ZNF689: variants seen among roughly 807,000 people sequenced by gnomAD.
ZNF689 encodes zinc finger protein 689, also known as short ORF-encoded histone-binding protein.
ZNF689 carries 14 observed loss-of-function variants against 37.2 expected under a neutral mutation model. The ratio of observed to expected loss-of-function variants is 0.38; its 90% CI spans 0.25 to 0.59. ZNF689 has a LOEUF of 0.59. Ranked by LOEUF, ZNF689 falls within the 20% of genes least tolerant of loss-of-function variation. The pLI is 0.68. For synonymous variants in ZNF689, 277 were observed against 283.3 expected (o/e 0.98, Z 0.22); for missense variants, 573 against 700.2 (o/e 0.82, Z 2.05).
At position 30,604,639 on chromosome 16, in the gene ZNF689, T is replaced by A. The variant is rs2151243941; in HGVS notation, c.1128A>T (p.Pro376=). 6.2e-7 allele frequency: 1 copy of A among 1,610,454 alleles called. No homozygotes were observed. Among genetic ancestry groups the A allele is most frequent in the South Asian group, 1.1e-5 (1 of 90,742 alleles). Reference sequence around the variant, plus strand: ...TCCGCCGGAAGGCACGCCCACAGTCTGGGCAGGGGTAGGGCTTCTCTCCGG... The same window carrying A: ...TCCGCCGGAAGGCACGCCCACAGTCAGGGCAGGGGTAGGGCTTCTCTCCGG... ...LHTGEKPYPC[P]DCGRAFRRSG... is the part of the protein sequence containing the mutation. The change falls in exon 3 of 3, where the codon CCA becomes CCT. Residue 376 remains proline (P), a synonymous_variant. Transcript: ENST00000287461. The surrounding 1 kb of genome is among the most constrained non-coding windows in gnomAD (Gnocchi z 5.2).
Position 30,604,125 on chromosome 16 carries a change from T to C in ZNF689, c.*139A>G, listed in dbSNP as rs774090803. The C allele has an allele frequency of 3.8e-5, 36 of 938,824 alleles. No individual in the cohort carries two copies. The highest frequency in any genetic ancestry group is 2.1e-4 in the Middle Eastern group (1 of 4,854). 58.2% of individuals were successfully genotyped at this position (938,824 alleles called of 1,614,324 possible). ...CACGCACAGGGAGGCAGCCAGCGCA[T>C]TGCAAGATACAAAGTTCAGCTCTGT... is the stretch of plus-strand genomic sequence containing the variant. On this transcript the variant is annotated 3_prime_UTR_variant, in exon 3 of 3. Transcript: ENST00000287461. This position sits in a 1 kb window ranked among gnomAD's most constrained non-coding sequence, Gnocchi z 5.2.
intron 2 of ZNF689, among the ~76,000 whole-genome samples, chr16:30,606,455 T>C (rs1250958787): frequency 6.6e-6 from 1 of 152,182 alleles, no homozygotes; most frequent in Non-Finnish European, 1.5e-5. Flanking sequence ...TCATAAGAGA[T>C]TGCATACACA....
chr16:30,607,799 G>C lies in ZNF689; in HGVS notation c.319+1726C>G, dbSNP rs1037620359. Among the ~76,000 whole-genome samples the C allele has an allele frequency of 3.3e-5, 5 of 152,144 alleles. No individual in the cohort carries two copies. The East Asian group carries it at 7.7e-4, about 23-fold the overall frequency. ...AGCTTGACCAATATGGAGAAACCCT[G>C]TCTCTACTAAAAATTAGCCGGGTGT... is the stretch of plus-strand genomic sequence containing the variant. On this transcript the variant is annotated intron_variant, in intron 2 of 2. Coordinates refer to ENST00000287461, the MANE Select transcript of ZNF689 (RefSeq NM_138447.3).
At chr16:30,609,208 G>A (rs565723025) in intron 2 of ZNF689, among the ~76,000 whole-genome samples, 1 of 148,566 alleles carries the variant, frequency 6.7e-6, no homozygotes, top group Non-Finnish European at 1.5e-5. Context: ...GGAGGCCAAG[G>A]CAGGAGGATC....
Position 30,609,506 on chromosome 16 carries a change from G to A in ZNF689, c.319+19C>T. 1 of 1,608,118 alleles carries A rather than the reference G, an allele frequency of 6.2e-7. No individual in the cohort carries two copies. The highest frequency in any genetic ancestry group is 8.5e-7 in the Non-Finnish European group (1 of 1,174,614). On this transcript the variant is annotated intron_variant, in intron 2 of 2. Transcript: ENST00000287461. The stretch of plus-strand genomic sequence containing the variant: ...GTTATAGGAGGGCTGCAGGCTCTGC[G>A]TGGTTATTTAGCACTCACTTCTCTG...
chr16:30,607,302 G>C (rs918319915), intron 2 of ZNF689, among the ~76,000 whole-genome samples: 2 of 143,128 alleles, frequency 1.4e-5, no homozygotes, highest in African/African-American at 2.6e-5. Context: ...TGTTAGAAAC[G>C]TAAGTCCCAG....
In ZNF689 at chr16:30,609,625, G is replaced by C. The variant is rs371686972; in HGVS notation, c.219C>G (p.Pro73=). The C allele has an allele frequency of 4.2e-5, 67 of 1,613,892 alleles. No homozygotes were observed. The highest frequency in any genetic ancestry group is 5.3e-5 in the Non-Finnish European group (63 of 1,179,992). ...GHLGALGCAG[P]KPALISWLER... is the part of the protein sequence containing the mutation. ...CCAACCAGGAGATGAGGGCTGGTTT[G>C]GGACCTGCGCACCCTGGGGAAAGAG... is the stretch of plus-strand genomic sequence containing the variant. Residue 73 remains proline, a synonymous_variant, in exon 2 of 3, where the codon CCC becomes CCG. Transcript: ENST00000287461.
In ZNF689 at chr16:30,604,762, G is replaced by T; in HGVS notation, c.1005C>A (p.His335Gln). Residue 335 changes from histidine to glutamine, a missense_variant, in exon 3 of 3, where the codon CAC (histidine) becomes CAA (glutamine). Physicochemically the swap from His to Gln is conservative, Grantham distance 24. Coordinates refer to ENST00000287461, the MANE Select transcript of ZNF689 (RefSeq NM_138447.3). This position sits in a 1 kb window ranked among gnomAD's most constrained non-coding sequence, Gnocchi z 5.2. ...GACGCTCCCCAGAGTGCACACGCCG[G>T]TGACTGACCAGGCGAGAGGAGGAGG... is the stretch of plus-strand genomic sequence containing the variant. Reference protein sequence around the residue: ...RFSSSSRLVSHRRVHSGERPY... With the variant: ...RFSSSSRLVSQRRVHSGERPY... 1 of 1,608,456 alleles carries T rather than the reference G, an allele frequency of 6.2e-7. No individual in the cohort carries two copies. The highest frequency in any genetic ancestry group is 8.5e-7 in the Non-Finnish European group (1 of 1,177,884).
At chr16:30,608,695 T>C (rs906115350) in intron 2 of ZNF689, 1 of 152,170 alleles carries the variant, frequency 6.6e-6, no homozygotes, top group African/African-American at 2.4e-5. Context: ...GAACCTGCGT[T>C]TTTACCAAGT....
Position 30,604,787 on chromosome 16 carries a change from G to A in ZNF689, c.980C>T (p.Ser327Phe). 1 of 1,609,428 alleles carries A rather than the reference G, an allele frequency of 6.2e-7. No homozygotes were observed. Among genetic ancestry groups the A allele is most frequent in the South Asian group, 1.1e-5 (1 of 90,706 alleles). The change falls in exon 3 of 3, where the codon TCC becomes TTC. Residue 327 changes from serine to phenylalanine, a missense_variant. By Grantham distance (155) the Ser-to-Phe change is radical. Coordinates refer to ENST00000287461, the MANE Select transcript of ZNF689 (RefSeq NM_138447.3). The surrounding 1 kb of genome is among the most constrained non-coding windows in gnomAD (Gnocchi z 5.2). ...YPCPDCERRFSSSSRLVSHRR... is the reference protein window; with the variant it reads ...YPCPDCERRFFSSSRLVSHRR... ...GTGACTGACCAGGCGAGAGGAGGAG[G>A]AGAAGCGCCGCTCGCAGTCCGGGCA...
At position 30,605,656 on chromosome 16, in the gene ZNF689, A is replaced by ATTT. The variant is rs1161830803; in HGVS notation, c.320-210_320-209insAAA. Among the ~76,000 whole-genome samples, 1 of 152,142 alleles carries ATTT rather than the reference A, an allele frequency of 6.6e-6. No individual in the cohort carries two copies. Among genetic ancestry groups the ATTT allele is most frequent in the African/African-American group, 2.4e-5 (1 of 41,428 alleles). On this transcript the variant is annotated intron_variant, in intron 2 of 2. Coordinates refer to ENST00000287461, the MANE Select transcript of ZNF689 (RefSeq NM_138447.3). The surrounding 1 kb of genome is among the most constrained non-coding windows in gnomAD (Gnocchi z 5.1). ...AGAAGTCTAGGAAGATTTCTCGGAG[A>ATTT]TTAAACTAACTTTAAAAATTGAGGC... is the stretch of plus-strand genomic sequence containing the variant.
Position 30,604,603 on chromosome 16 carries a change from C to A in ZNF689, c.1164G>T (p.Leu388=), listed in dbSNP as rs2052016816. 1 of 1,599,884 alleles carries A rather than the reference C, an allele frequency of 6.3e-7. No homozygotes were observed. The highest frequency in any genetic ancestry group is 1.1e-5 in the South Asian group (1 of 89,442). The change falls in exon 3 of 3, where the codon CTG becomes CTT. Residue 388 remains leucine, a synonymous_variant. Coordinates refer to ENST00000287461, the MANE Select transcript of ZNF689 (RefSeq NM_138447.3). This position sits in a 1 kb window ranked among gnomAD's most constrained non-coding sequence, Gnocchi z 5.2. ...CGRAFRRSGS[L]AIHRSTHTEE... ...CTGTGTGCGTGCTGCGATGGATGGC[C>A]AGGGAGCCGCTCCGCCGGAAGGCAC... is the stretch of plus-strand genomic sequence containing the variant.
rs1258879576 is a variant in ZNF689, at chr16:30,605,938, C to T, written c.320-491G>A. Among the ~76,000 whole-genome samples, 3 of 142,392 alleles carry T rather than the reference C, an allele frequency of 2.1e-5. No homozygotes were observed. Among genetic ancestry groups the T allele is most frequent in the South Asian group, 4.3e-4 (2 of 4,598 alleles). The allele number at this position is 142,392 out of a possible 152,430, so 93.4% of individuals were successfully genotyped here. A position where few individuals can be genotyped will look rare whatever the true frequency, so the allele number is the denominator to read the frequency against. ...CTGCACTCCAACCTGGGCGAGAGAG[C>T]GAGATTCCATCTCAAAAAAAAAAAA... On this transcript the variant is annotated intron_variant, in intron 2 of 2. Transcript: ENST00000287461. The surrounding 1 kb of genome is among the most constrained non-coding windows in gnomAD (Gnocchi z 5.1).
rs2052082062 is a variant in ZNF689, at chr16:30,610,056, C to A, written c.-15G>T. The A allele has an allele frequency of 4.5e-6, 7 of 1,570,218 alleles. No homozygotes were observed. The highest frequency in any genetic ancestry group is 6.0e-6 in the Non-Finnish European group (7 of 1,159,640). ...GGTGGCGCCATGGGACCCGAGAAGC[C>A]GGCGCCACGGCCTTCCGTGTCCAGG... is the stretch of plus-strand genomic sequence containing the variant. On this transcript the variant is annotated 5_prime_UTR_variant, in exon 1 of 3. Transcript: ENST00000287461.
chr16:30,609,584 T>A lies in ZNF689; in HGVS notation c.260A>T (p.Asp87Val), dbSNP rs777634421. The A allele has an allele frequency of 2.1e-5, 34 of 1,613,888 alleles. 1 individual carries two copies. Among genetic ancestry groups the A allele is most frequent in the Middle Eastern group, 1.6e-4 (1 of 6,084 alleles). The change falls in exon 2 of 3, where the codon GAC becomes GTC. Residue 87 changes from aspartate (D) to valine (V), a missense_variant. By Grantham distance (152) the Asp-to-Val change is radical. This residue lies in a region of ZNF689 where 252 missense variants were observed against 313.3 expected (regional missense o/e 0.80). Transcript: ENST00000287461. Reference sequence around the variant, plus strand: ...CGGATCTAGAGCAGCCGGTTCCCAGTCATCGGTGTTTCGTTCCAACCAGGA... The same window carrying A: ...CGGATCTAGAGCAGCCGGTTCCCAGACATCGGTGTTTCGTTCCAACCAGGA... The part of the protein sequence containing the change: ...LISWLERNTD[D>V]WEPAALDPQE...
chr16:30,604,796 C>T lies in ZNF689; in HGVS notation c.971G>A (p.Arg324Gln), dbSNP rs199877659. ...EKPYPCPDCE[R>Q]RFSSSSRLVS... ...CAGGCGAGAGGAGGAGGAGAAGCGC[C>T]GCTCGCAGTCCGGGCACGGGTAGGG... The change falls in exon 3 of 3, where the codon CGG (arginine) becomes CAG (glutamine). Residue 324 changes from arginine (R) to glutamine (Q), a missense_variant. Physicochemically the swap from Arg to Gln is conservative, Grantham distance 43 (BLOSUM62 1). Coordinates refer to ENST00000287461, the MANE Select transcript of ZNF689 (RefSeq NM_138447.3). This position sits in a 1 kb window ranked among gnomAD's most constrained non-coding sequence, Gnocchi z 5.2. 8.1e-6 allele frequency: 13 copies of T among 1,609,480 alleles called. No homozygotes were observed. Among genetic ancestry groups the T allele is most frequent in the Non-Finnish European group, 4.2e-6 (5 of 1,177,744 alleles).
intron 2 of ZNF689, among the ~76,000 whole-genome samples, chr16:30,606,610 C>T (rs1416527115): frequency 6.6e-6 from 1 of 151,914 alleles, no homozygotes; most frequent in Non-Finnish European, 1.5e-5. Flanking sequence ...AGTGATTCTC[C>T]CTGCCTCAGC....
chr16:30,610,121 GC>G lies in ZNF689; in HGVS notation c.-81del. 1 of 1,471,658 alleles carries G rather than the reference GC, an allele frequency of 6.8e-7. No homozygotes were observed. The highest frequency in any genetic ancestry group is 1.3e-5 in the South Asian group (1 of 76,208). 91.2% of individuals were successfully genotyped at this position (1,471,658 alleles called of 1,614,324 possible). A position where few individuals can be genotyped will look rare whatever the true frequency, so the allele number is the denominator to read the frequency against. ...CGCTGGCGGCCCCTGGGATCGAGGA[GC>G]CCCTGCCGGACCAGGGCTGAGCGTG... is the stretch of plus-strand genomic sequence containing the variant. On this transcript the variant is annotated 5_prime_UTR_variant, in exon 1 of 3. Coordinates refer to ENST00000287461, the MANE Select transcript of ZNF689 (RefSeq NM_138447.3).
chr16:30,610,409 C>T (rs2052086379), upstream of ZNF689: 1 of 226,438 alleles, frequency 4.4e-6, no homozygotes, highest in Admixed American at 5.2e-5. Flanking sequence ...GGGCTTCACG[C>T]CGTCTTTTTT....
Sources: allele counts gnomAD v4.1 joint callset (sites outside exome capture counted in the v4.1 genomes callset), GRCh38; gene constraint gnomAD v4.1.1; regional missense constraint gnomAD v4.1.1; non-coding constraint Gnocchi (gnomAD v3.1); transcripts MANE v1.5; gene names NCBI Gene and HGNC (gene_info 2026-07-23, HGNC 2026-07-21).